Variants in KHDRBS3 observed in about 807,000 individuals in gnomAD.
The protein encoded by KHDRBS3 is KH RNA binding domain containing, signal transduction associated 3.
In KHDRBS3, 23 loss-of-function variants were observed where a neutral mutation model predicts 45.6. The observed-to-expected ratio is 0.50, with a 90% CI of 0.36 to 0.72. The LOEUF (loss-of-function observed/expected upper bound fraction) is 0.72, where lower values mean the gene tolerates loss of function less well. Ranked by LOEUF, KHDRBS3 falls within the 30% of genes least tolerant of loss-of-function variation. KHDRBS3 has a pLI of 0.00. For missense variants in KHDRBS3, 352 were observed against 424.8 expected, an observed-to-expected ratio of 0.83 and a Z score of 1.51; for synonymous variants, 162 against 156.5, an observed-to-expected ratio of 1.04 and a Z score of -0.26.
chr8:135,582,047 C>A lies in KHDRBS3; in HGVS notation c.781C>A (p.Pro261Thr). ...TGGGTACAGACCTCCACCGCCACCC[C>A]CGACACAAGAGACTTATGGAGAATA... ...PTGYRPPPPP[P>T]TQETYGEYDY... Residue 261 changes from proline to threonine, a missense_variant, in exon 6 of 9, where the codon CCG (proline) becomes ACG (threonine). Around this residue, in one of 6 missense-constraint regions of KHDRBS3, gnomAD observed 212 missense variants for 209.6 expected, o/e 1.01. Transcript: ENST00000355849. 6.3e-7 allele frequency: 1 copy of A among 1,583,844 alleles called. No homozygotes were observed. The highest frequency in any genetic ancestry group is 8.6e-7 in the Non-Finnish European group (1 of 1,162,140).
intron 7 of KHDRBS3, among the ~76,000 whole-genome samples, chr8:135,640,896 A>G (rs533077593): frequency 1.3e-5 from 2 of 152,312 alleles, no homozygotes; most frequent in Non-Finnish European, 2.9e-5. Flanking sequence ...GAAATAGGAC[A>G]TGTCTTTGGT....
chr8:135,635,313 C>G (rs1007722095), intron 7 of KHDRBS3, among the ~76,000 whole-genome samples: 3 of 152,196 alleles, frequency 2.0e-5, no homozygotes, highest in African/African-American at 7.2e-5. Flanking sequence ...GAAAGCAGCC[C>G]TTTCAAATAA....
At chr8:135,476,041 G>A (rs1247214629) in intron 1 of KHDRBS3, among the ~76,000 whole-genome samples, 1 of 152,214 alleles carries the variant, frequency 6.6e-6, no homozygotes, top group Non-Finnish European at 1.5e-5. Context: ...TATTCAGAGT[G>A]CCTGTCAGGG....
intron 2 of KHDRBS3, chr8:135,539,576 A>C (rs936825780): frequency 6.6e-6 from 1 of 152,214 alleles, no homozygotes; most frequent in Non-Finnish European, 1.5e-5. Context: ...ATTTGGCATC[A>C]AGTATACGCA....
At chr8:135,580,607 T>C (rs74653399) in intron 5 of KHDRBS3, among the ~76,000 whole-genome samples, 5 of 145,766 alleles carry the variant, frequency 3.4e-5, no homozygotes, top group Non-Finnish European at 6.0e-5. Context: ...CTCTCTCTCT[T>C]TTTTTTTTTT....
chr8:135,500,970 T>G (rs1023686003), intron 1 of KHDRBS3, among the ~76,000 whole-genome samples: 10 of 152,194 alleles, frequency 6.6e-5, no homozygotes, highest in African/African-American at 2.4e-4. Flanking sequence ...CATGGACCTT[T>G]TATCAGATAC....
intron 4 of KHDRBS3, among the ~76,000 whole-genome samples, chr8:135,556,085 A>G (rs1364834828): frequency 6.6e-6 from 1 of 152,218 alleles, no homozygotes; most frequent in Admixed American, 6.5e-5. Context: ...TTATGGCTGC[A>G]TAGCATTCCA....
intron 1 of KHDRBS3, among the ~76,000 whole-genome samples, chr8:135,460,690 T>G (rs569436819): frequency 2.5e-4 from 38 of 152,312 alleles, no homozygotes; most frequent in Admixed American, 3.9e-4. Context: ...TTACAGAAAG[T>G]TTCTGTCTGC....
chr8:135,517,094 A>C (rs1203323098), intron 1 of KHDRBS3, among the ~76,000 whole-genome samples: 1 of 152,224 alleles, frequency 6.6e-6, no homozygotes, highest in Non-Finnish European at 1.5e-5. Context: ...AAAACAATAC[A>C]GATATTATTA....
At chr8:135,465,620 A>C (rs1339057112) in intron 1 of KHDRBS3, among the ~76,000 whole-genome samples, 1 of 152,214 alleles carries the variant, frequency 6.6e-6, no homozygotes, top group Non-Finnish European at 1.5e-5. Flanking sequence ...TAACAAATGA[A>C]GCTTCCATAA....
At chr8:135,583,389 G>A (rs1828309741) in intron 6 of KHDRBS3, among the ~76,000 whole-genome samples, 1 of 152,186 alleles carries the variant, frequency 6.6e-6, no homozygotes, top group Non-Finnish European at 1.5e-5. Context: ...CTTACCAGAT[G>A]ACAATAATAA....
chr8:135,478,603 TAAA>T (rs1380352795), intron 1 of KHDRBS3, among the ~76,000 whole-genome samples: 2 of 152,180 alleles, frequency 1.3e-5, no homozygotes, highest in African/African-American at 4.8e-5. Context: ...CAGTGAGTTT[TAAA>T]GGATTGAAAT....
chr8:135,599,858 GAC>G (rs1829128515), intron 6 of KHDRBS3, among the ~76,000 whole-genome samples: 1 of 152,264 alleles, frequency 6.6e-6, no homozygotes, highest in Non-Finnish European at 1.5e-5. Context: ...CGGGTGAAAT[GAC>G]ACAGCTGCTG....
intron 5 of KHDRBS3, among the ~76,000 whole-genome samples, chr8:135,579,696 T>C (rs1828113867): frequency 6.6e-6 from 1 of 152,234 alleles, no homozygotes; most frequent in African/African-American, 2.4e-5. Context: ...ATGTCGCCAT[T>C]GGCCGCATGC....
intron 6 of KHDRBS3, among the ~76,000 whole-genome samples, chr8:135,586,862 T>G (rs1413800202): frequency 6.6e-6 from 1 of 152,174 alleles, no homozygotes; most frequent in Admixed American, 6.5e-5. Flanking sequence ...CATCAGTGGT[T>G]TACTTAAACA....
At chr8:135,500,210 A>G (rs573511019) in intron 1 of KHDRBS3, among the ~76,000 whole-genome samples, 16 of 152,234 alleles carry the variant, frequency 1.1e-4, no homozygotes, top group African/African-American at 3.6e-4. Flanking sequence ...AGTGAGAGAA[A>G]ATTCAGTTCA....
intron 7 of KHDRBS3, among the ~76,000 whole-genome samples, chr8:135,612,161 T>A (rs2131048998): frequency 6.6e-6 from 1 of 152,028 alleles, no homozygotes; most frequent in African/African-American, 2.4e-5. Context: ...AAACATTCTC[T>A]TTTATACTGT....
intron 4 of KHDRBS3, among the ~76,000 whole-genome samples, chr8:135,554,969 G>T (rs181355518): frequency 6.6e-6 from 1 of 152,042 alleles, no homozygotes; most frequent in East Asian, 1.9e-4. Context: ...TTTCTGTCTC[G>T]TTTTCATTGT....
chr8:135,542,685 G>A lies in KHDRBS3; in HGVS notation c.239G>A (p.Arg80His). The A allele has an allele frequency of 6.2e-7, 1 of 1,613,656 alleles. No homozygotes were observed. The highest frequency in any genetic ancestry group is 8.5e-7 in the Non-Finnish European group (1 of 1,179,718). The change falls in exon 3 of 9, where the codon CGT becomes CAT. Residue 80 changes from arginine (R) to histidine (H), a missense_variant. Arg to His is a conservative substitution (Grantham distance 29, BLOSUM62 0). This residue lies in a region of KHDRBS3 where 9 missense variants were observed against 36.5 expected (regional missense o/e 0.25). Coordinates refer to ENST00000355849, the MANE Select transcript of KHDRBS3 (RefSeq NM_006558.3). ...FNFVGKLLGPRGNSLKRLQEE... is the reference protein window; with the variant it reads ...FNFVGKLLGPHGNSLKRLQEE... ...TTTGTGGGGAAACTTTTGGGTCCACGTGGCAATTCTCTGAAGCGTTTACAA... is the reference window on the plus strand; with the variant it reads ...TTTGTGGGGAAACTTTTGGGTCCACATGGCAATTCTCTGAAGCGTTTACAA...
Sources: gnomAD v4.1 joint callset for allele counts (sites outside exome capture counted in the v4.1 genomes callset) on GRCh38, gnomAD v4.1.1 for gene constraint, gnomAD v4.1.1 regional missense constraint, MANE v1.5 for transcripts, NCBI Gene and HGNC (gene_info 2026-07-23, HGNC 2026-07-21) for gene names.